GPHN: variants seen among roughly 807,000 people sequenced by gnomAD.
The protein encoded by GPHN is gephyrin.
A neutral mutation model predicts 95.5 loss-of-function variants in GPHN; 17 were observed. The observed-to-expected ratio is 0.18, with a 90% CI of 0.12 to 0.27. GPHN has a LOEUF of 0.27. GPHN is among the 10% of genes least tolerant of loss of function. The probability of loss-of-function intolerance (pLI) is 1.00; values close to 1 mark genes in which losing one functional copy is unlikely to be tolerated. For missense variants in GPHN, 660 were observed against 978.1 expected, an observed-to-expected ratio of 0.67 and a Z score of 4.34; for synonymous variants, 320 against 322.5, an observed-to-expected ratio of 0.99 and a Z score of 0.08.
chr14:67,198,191 G>A, the GPHN span: 77 of 1,613,728 alleles, frequency 4.8e-5, 1 homozygote, highest in African/African-American at 9.2e-4. Context: ...AGACTACCAT[G>A]AGGATCAATA....
intron 10 of GPHN, among the ~76,000 whole-genome samples, chr14:67,044,148 CCAACA>C (rs2074864694): frequency 6.6e-6 from 1 of 151,944 alleles, no homozygotes; most frequent in African/African-American, 2.4e-5. Flanking sequence ...ACCAGCCTGG[CCAACA>C]TGGTGAAACC....
At chr14:67,538,386 T>C in the GPHN span, among the ~76,000 whole-genome samples, 1 of 152,242 alleles carries the variant, frequency 6.6e-6, no homozygotes, top group African/African-American at 2.4e-5. Flanking sequence ...TTGTGACTAA[T>C]TGTGTTCGTC....
intron 1 of GPHN, among the ~76,000 whole-genome samples, chr14:66,528,795 A>G (rs1306931946): frequency 6.6e-6 from 1 of 152,090 alleles, no homozygotes; most frequent in African/African-American, 2.4e-5. Context: ...ATTGGCCCCC[A>G]CTGTCTTCTG....
the GPHN span, among the ~76,000 whole-genome samples, chr14:67,287,280 C>A: frequency 2.0e-5 from 3 of 149,110 alleles, no homozygotes; most frequent in African/African-American, 7.5e-5. Context: ...AGAACTGTGG[C>A]AAAATAGGTC....
intron 1 of GPHN, among the ~76,000 whole-genome samples, chr14:66,573,300 A>G (rs529520816): frequency 1.2e-3 from 183 of 151,672 alleles, no homozygotes; most frequent in Admixed American, 2.0e-3. Flanking sequence ...GGATATAGAT[A>G]TTTTCTACTG....
chr14:67,058,854 T>A, intron 11 of GPHN, 68 bp downstream of exon 11: 1 of 1,260,110 alleles, frequency 7.9e-7, no homozygotes, highest in South Asian at 1.2e-5. Context: ...CATGTAACAT[T>A]AATGCACAGT....
At chr14:67,683,038 A>G in the GPHN span, among the ~76,000 whole-genome samples, 1 of 152,258 alleles carries the variant, frequency 6.6e-6, no homozygotes. Context: ...GCAAATTCTT[A>G]GAGACATAAA....
the GPHN span, chr14:67,734,461 T>A: frequency 1.3e-5 from 2 of 155,036 alleles, no homozygotes; most frequent in African/African-American, 4.8e-5. Flanking sequence ...ATTGTCTTAT[T>A]TATTTTCTCA....
At chr14:67,225,796 A>G in the GPHN span, among the ~76,000 whole-genome samples, 2 of 152,182 alleles carry the variant, frequency 1.3e-5, no homozygotes, top group Non-Finnish European at 2.9e-5. Context: ...CCAGCTCTGC[A>G]GTGCGTTGCT....
At chr14:66,817,158 ATC>A (rs1481212839) in intron 3 of GPHN, among the ~76,000 whole-genome samples, 1 of 152,118 alleles carries the variant, frequency 6.6e-6, no homozygotes, top group Non-Finnish European at 1.5e-5. Context: ...ATTTGTTCAT[ATC>A]TCTGATGTCT....
At chr14:66,796,037 G>C (rs903746321) in intron 3 of GPHN, among the ~76,000 whole-genome samples, 2 of 151,840 alleles carry the variant, frequency 1.3e-5, no homozygotes, top group Non-Finnish European at 2.9e-5. Flanking sequence ...TAACTCCATG[G>C]GTTCAATCGT....
intron 2 of GPHN, among the ~76,000 whole-genome samples, chr14:66,757,823 T>G (rs1198661373): frequency 6.6e-6 from 1 of 152,212 alleles, no homozygotes; most frequent in Non-Finnish European, 1.5e-5. Flanking sequence ...GTCTTTCTGC[T>G]CCTTAATTCA....
the GPHN span, among the ~76,000 whole-genome samples, chr14:67,633,801 G>T: frequency 6.6e-6 from 1 of 152,220 alleles, no homozygotes; most frequent in Non-Finnish European, 1.5e-5. Context: ...GTTCTATAGG[G>T]CTGAAGGCAT....
chr14:67,400,505 T>A, the GPHN span, among the ~76,000 whole-genome samples: 1 of 152,178 alleles, frequency 6.6e-6, no homozygotes, highest in Non-Finnish European at 1.5e-5. Context: ...CCCCATTTCC[T>A]ATGACCACCC....
chr14:67,390,834 C>A, the GPHN span: 1 of 895,858 alleles, frequency 1.1e-6, no homozygotes, highest in Non-Finnish European at 1.9e-6. Flanking sequence ...AAACCCCCAA[C>A]AAGCCAGCCC....
the GPHN span, among the ~76,000 whole-genome samples, chr14:67,358,080 G>C: frequency 4.6e-5 from 7 of 152,138 alleles, no homozygotes; most frequent in Non-Finnish European, 8.8e-5. Flanking sequence ...AGCTTTTTCA[G>C]GCAGGCATTT....
At chr14:67,031,107 C>T (rs985420534) in intron 10 of GPHN, among the ~76,000 whole-genome samples, 1 of 152,126 alleles carries the variant, frequency 6.6e-6, no homozygotes. Flanking sequence ...TTCATTCTCA[C>T]TACTGCCACC....
At chr14:66,935,197 G>A (rs1327275163) in intron 8 of GPHN, among the ~76,000 whole-genome samples, 2 of 152,042 alleles carry the variant, frequency 1.3e-5, no homozygotes, top group Admixed American at 6.5e-5. Flanking sequence ...TTAACAACAG[G>A]CAAAGAAAGA....
intron 2 of GPHN, among the ~76,000 whole-genome samples, chr14:66,708,450 A>G (rs562270563): frequency 6.6e-6 from 1 of 152,314 alleles, no homozygotes; most frequent in South Asian, 2.1e-4. Flanking sequence ...TCCTGTTATC[A>G]GTATAAAACT....
Sources: gnomAD v4.1 joint callset for allele counts (sites outside exome capture counted in the v4.1 genomes callset) on GRCh38, gnomAD v4.1.1 for gene constraint, MANE v1.5 for transcripts, NCBI Gene and HGNC (gene_info 2026-07-23, HGNC 2026-07-21) for gene names.